The following MLLT6 variants were observed in gnomAD, a reference collection of about 807,000 sequenced individuals.
MLLT6 encodes the protein protein AF-17.
In MLLT6, 22 loss-of-function variants were observed where a neutral mutation model predicts 103.0. The observed-to-expected ratio is 0.21, with a 90% CI of 0.15 to 0.31. The LOEUF is 0.31. Ranked by LOEUF, MLLT6 falls within the 10% of genes least tolerant of loss-of-function variation. MLLT6 has a pLI of 1.00. For synonymous variants in MLLT6, 606 were observed against 623.5 expected, an observed-to-expected ratio of 0.97 and a Z score of 0.42; for missense variants, 1,199 against 1,441.7, an observed-to-expected ratio of 0.83 and a Z score of 2.73.
rs761789273 is a variant in MLLT6, at chr17:38,711,856, C to T, written c.562C>T (p.Arg188Trp). Residue 188 changes from arginine to tryptophan, a missense_variant, in exon 7 of 20, where the codon CGG (arginine) becomes TGG (tryptophan). Around this residue, in one of 7 missense-constraint regions of MLLT6, gnomAD observed 59 missense variants for 135.1 expected, o/e 0.44. Transcript: ENST00000621332. ...KYHFSKMKTS[R>W]HSSGGGGGGA... ...CAAATCTCTCCCGCAGAAGACATCC[C>T]GGCACAGCAGCGGGGGAGGCGGAGG... The T allele has an allele frequency of 7.0e-6, 11 of 1,569,168 alleles. No homozygotes were observed. Among genetic ancestry groups the T allele is most frequent in the Non-Finnish European group, 8.6e-6 (10 of 1,157,670 alleles).
chr17:38,718,807 A>G (rs1173856492), intron 12 of MLLT6: 1 of 152,182 alleles, frequency 6.6e-6, no homozygotes, highest in African/African-American at 2.4e-5. Context: ...AGCCCCAGAA[A>G]GCTAATTGGT....
At chr17:38,723,204 T>C (rs927414429) in intron 18 of MLLT6, among the ~76,000 whole-genome samples, 17 of 152,120 alleles carry the variant, frequency 1.1e-4, no homozygotes, top group African/African-American at 4.1e-4. Context: ...GTTTTACTTT[T>C]TAAAAATGAG....
chr17:38,720,714 C>T lies in MLLT6; in HGVS notation c.2409C>T (p.Leu803=), dbSNP rs376591387. ...TSKSPPGKSS[L]GLDNSLSTSS... is the part of the protein sequence containing the mutation. ...AGAGCCCTCCGGGAAAGAGCAGCCT[C>T]GGCCTGGACAACTCGCTGTCCACTT... Residue 803 remains leucine (L), a synonymous_variant, in exon 16 of 20, where the codon CTC becomes CTT. Coordinates refer to ENST00000621332, the MANE Select transcript of MLLT6 (RefSeq NM_005937.4). 89 of 1,613,756 alleles carry T rather than the reference C, an allele frequency of 5.5e-5. 1 individual carries two copies. Among genetic ancestry groups the T allele is most frequent in the Non-Finnish European group, 7.3e-5 (86 of 1,180,046 alleles).
chr17:38,725,207 A>C, intron 19 of MLLT6: 1 of 530,050 alleles, frequency 1.9e-6, no homozygotes. Flanking sequence ...CAATTAGAAA[A>C]CAGCCTTCCT....
chr17:38,729,386 G>A lies in MLLT6; in HGVS notation c.*3788G>A, dbSNP rs558921989. ...AGGATTGAGAGTGTGTCTAGCTCCC[G>A]ACCACTTTGTCTTGACCTACTGAAA... On this transcript the variant is annotated 3_prime_UTR_variant, in exon 20 of 20. Coordinates refer to ENST00000621332, the MANE Select transcript of MLLT6 (RefSeq NM_005937.4). 1.7e-5 allele frequency: 4 copies of A among 233,282 alleles called. No individual in the cohort carries two copies. Among genetic ancestry groups the A allele is most frequent in the Non-Finnish European group, 2.5e-5 (3 of 118,040 alleles). The allele number at this position is 233,282 out of a possible 1,614,324, so 14.5% of individuals were successfully genotyped here. A position where few individuals can be genotyped will look rare whatever the true frequency, so the allele number is the denominator to read the frequency against.
At position 38,727,890 on chromosome 17, in the gene MLLT6, G is replaced by A. The variant is rs752679322; in HGVS notation, c.*2292G>A. 31 of 233,126 alleles carry A rather than the reference G, an allele frequency of 1.3e-4. No homozygotes were observed. Among genetic ancestry groups the A allele is most frequent in the East Asian group, 3.6e-4 (6 of 16,586 alleles). 14.4% of individuals were successfully genotyped at this position (233,126 alleles called of 1,614,324 possible). On this transcript the variant is annotated 3_prime_UTR_variant, in exon 20 of 20. Coordinates refer to ENST00000621332, the MANE Select transcript of MLLT6 (RefSeq NM_005937.4). The stretch of plus-strand genomic sequence containing the variant: ...TGCCCAAGGCTGGCCCACTTAGAGC[G>A]AAACTTAACTTTTGTCTGGATGGGA...
intron 2 of MLLT6, 90 bp downstream of exon 2, chr17:38,707,119 T>A (rs1239033603): frequency 8.9e-7 from 1 of 1,128,716 alleles, no homozygotes; most frequent in African/African-American, 1.6e-5. Flanking sequence ...AGGCCGAGGC[T>A]AGGGTGGGAT....
At position 38,722,095 on chromosome 17, in the gene MLLT6, G is replaced by A. The variant is rs1292937013; in HGVS notation, c.2660G>A (p.Gly887Glu). Reference sequence around the variant, plus strand: ...CCCATGGCTGAGGGGCTGTTGGGGGGGCTGGCAGGCAGTGGGGGCCTGCCC... The same window carrying A: ...CCCATGGCTGAGGGGCTGTTGGGGGAGCTGGCAGGCAGTGGGGGCCTGCCC... Reference protein sequence around the residue: ...AMPMAEGLLGGLAGSGGLPLN... With the variant: ...AMPMAEGLLGELAGSGGLPLN... The change falls in exon 17 of 20, where the codon GGG (glycine) becomes GAG (glutamate). Residue 887 changes from glycine to glutamate, a missense_variant. Physicochemically the swap from Gly to Glu is moderately conservative, Grantham distance 98. Transcript: ENST00000621332. 5.8e-6 allele frequency: 8 copies of A among 1,373,634 alleles called. No individual in the cohort carries two copies. In the East Asian group the frequency reaches 1.2e-4, roughly 21 times the overall value. 85.1% of individuals were successfully genotyped at this position (1,373,634 alleles called of 1,614,324 possible). A position where few individuals can be genotyped will look rare whatever the true frequency, so the allele number is the denominator to read the frequency against.
intron 16 of MLLT6, chr17:38,721,132 T>C: frequency 3.5e-6 from 1 of 285,414 alleles, no homozygotes; most frequent in Non-Finnish European, 6.7e-6. Context: ...GTGAAGGGTT[T>C]ATTATAGCGC....
chr17:38,707,658 T>C, intron 3 of MLLT6, 105 bp from the exon 4 acceptor site: 1 of 1,275,296 alleles, frequency 7.8e-7, no homozygotes, highest in Non-Finnish European at 1.1e-6. Flanking sequence ...CGCTGGAATC[T>C]GATGGGAAGG....
chr17:38,707,243 C>G (rs1245011345), intron 2 of MLLT6, among the ~76,000 whole-genome samples: 2 of 152,190 alleles, frequency 1.3e-5, no homozygotes, highest in African/African-American at 4.8e-5. Context: ...TGGTTTTTGT[C>G]TGTTTGAACT....
chr17:38,719,774 A>C lies in MLLT6; in HGVS notation c.2034A>C (p.Ala678=), dbSNP rs750552524. The C allele has an allele frequency of 1.2e-6, 2 of 1,613,036 alleles. No homozygotes were observed. Among genetic ancestry groups the C allele is most frequent in the Non-Finnish European group, 1.7e-6 (2 of 1,179,718 alleles). Residue 678 remains alanine, a synonymous_variant, in exon 14 of 20, where the codon GCA becomes GCC. Coordinates refer to ENST00000621332, the MANE Select transcript of MLLT6 (RefSeq NM_005937.4). Reference sequence around the variant, plus strand: ...GGTCCCCCATCAGCAGCCTCCCCGCACTCTTCGACCAGACAGCCTCTGCAC... The same window carrying C: ...GGTCCCCCATCAGCAGCCTCCCCGCCCTCTTCGACCAGACAGCCTCTGCAC... ...SSMSPISSLP[A]LFDQTASAPC...
At position 38,716,348 on chromosome 17, in the gene MLLT6, G is replaced by A; in HGVS notation, c.1037-19G>A. 6.3e-7 allele frequency: 1 copy of A among 1,598,072 alleles called. No individual in the cohort carries two copies. The highest frequency in any genetic ancestry group is 8.5e-7 in the Non-Finnish European group (1 of 1,175,500). ...GGGGATCTGGGGTCCAGCTGTAACT[G>A]TTTCCCCTCTGTGCACAGTCTCGTC... is the stretch of plus-strand genomic sequence containing the variant. On this transcript the variant is annotated intron_variant, in intron 9 of 19. Transcript: ENST00000621332. This position sits in a 1 kb window ranked among gnomAD's most constrained non-coding sequence, Gnocchi z 5.6.
chr17:38,717,079 C>T lies in MLLT6; in HGVS notation c.1651+98C>T, dbSNP rs1905382824. 2.0e-6 allele frequency: 3 copies of T among 1,528,792 alleles called. No homozygotes were observed. The Admixed American group carries it at 6.6e-5, about 34-fold the overall frequency. The allele number at this position is 1,528,792 out of a possible 1,614,324, so 94.7% of individuals were successfully genotyped here. A position where few individuals can be genotyped will look rare whatever the true frequency, so the allele number is the denominator to read the frequency against. On this transcript the variant is annotated intron_variant, in intron 10 of 19. Coordinates refer to ENST00000621332, the MANE Select transcript of MLLT6 (RefSeq NM_005937.4). ...ACTTAGAAGGAAATGGGATGGATACCACTCCAAAAGATAGAGCACGGAGGA... is the reference window on the plus strand; with the variant it reads ...ACTTAGAAGGAAATGGGATGGATACTACTCCAAAAGATAGAGCACGGAGGA...
intron 18 of MLLT6, among the ~76,000 whole-genome samples, chr17:38,723,325 C>G (rs7225470): frequency 6.6e-6 from 1 of 152,104 alleles, no homozygotes; most frequent in Non-Finnish European, 1.5e-5. Context: ...CTTGGTGAAA[C>G]TGAGTCTCTA....
At chr17:38,720,300 G>GGCCCCCCC in intron 14 of MLLT6, 72 bp from the exon 15 acceptor site, 1 of 726,392 alleles carries the variant, frequency 1.4e-6, no homozygotes, top group Non-Finnish European at 2.2e-6. Context: ...TCCCCTCCAG[G>GGCCCCCCC]CCCCGCCCCC....
chr17:38,722,866 C>T, intron 18 of MLLT6, 98 bp downstream of exon 18: 1 of 916,440 alleles, frequency 1.1e-6, no homozygotes, highest in South Asian at 1.5e-5. Flanking sequence ...CAGGAGCAGG[C>T]AGAGTGAGGG....
chr17:38,717,375 A>G, intron 10 of MLLT6, 57 bp from the exon 11 acceptor site: 1 of 1,409,792 alleles, frequency 7.1e-7, no homozygotes, highest in Non-Finnish European at 9.6e-7. Context: ...CACCTGGCTG[A>G]GCAGGAGTCT....
At chr17:38,720,980 C>G in intron 16 of MLLT6, 1 of 583,628 alleles carries the variant, frequency 1.7e-6, no homozygotes, top group Non-Finnish European at 3.0e-6. Context: ...TTAAGATAGG[C>G]TACCCCAAGC....
Sources: gnomAD v4.1 joint callset for allele counts (sites outside exome capture counted in the v4.1 genomes callset) on GRCh38, gnomAD v4.1.1 for gene constraint, gnomAD v4.1.1 regional missense constraint, Gnocchi (gnomAD v3.1) non-coding constraint, MANE v1.5 for transcripts, NCBI Gene and HGNC (gene_info 2026-07-23, HGNC 2026-07-21) for gene names.